The following IGSF3 variants were observed in gnomAD, a reference collection of about 807,000 sequenced individuals.
IGSF3 encodes immunoglobulin superfamily member 3.
IGSF3 carries 23 observed loss-of-function variants against 114.4 expected under a neutral mutation model. The observed-to-expected ratio is 0.20, with a 90% CI of 0.14 to 0.28. The LOEUF is 0.28. IGSF3 is among the 10% of genes least tolerant of loss of function. IGSF3 has a pLI of 1.00. For synonymous variants in IGSF3, 571 were observed against 645.2 expected, an observed-to-expected ratio of 0.88 and a Z score of 1.74; for missense variants, 1,172 against 1,591.5, an observed-to-expected ratio of 0.74 and a Z score of 4.48.
At chr1:116,640,111 A>G (rs182857690) in intron 2 of IGSF3, among the ~76,000 whole-genome samples, 94 of 152,246 alleles carry the variant, frequency 6.2e-4, no homozygotes, top group African/African-American at 2.2e-3. Flanking sequence ...TCAGGATTAA[A>G]TAACAAAAAA....
chr1:116,636,348 C>T lies in IGSF3; in HGVS notation c.44-19891G>A, dbSNP rs1647828437. Among the ~76,000 whole-genome samples, 1 of 152,190 alleles carries T rather than the reference C, an allele frequency of 6.6e-6. No individual in the cohort carries two copies. The highest frequency in any genetic ancestry group is 1.5e-5 in the Non-Finnish European group (1 of 68,034). On this transcript the variant is annotated intron_variant, in intron 2 of 10. Coordinates refer to ENST00000369486, the MANE Select transcript of IGSF3 (RefSeq NM_001007237.3). This position sits in a 1 kb window ranked among gnomAD's most constrained non-coding sequence, Gnocchi z 4.5. ...AGCACATCACGAGGAAGGCTGGTGA[C>T]AACCTTTCCTGAGCTTAGGACAGTT...
At position 116,666,830 on chromosome 1, in the gene IGSF3, C is replaced by T. The variant is rs922050076; in HGVS notation, c.-504G>A. The T allele has an allele frequency of 8.1e-5, 33 of 408,480 alleles. No individual in the cohort carries two copies. Among genetic ancestry groups the T allele is most frequent in the Non-Finnish European group, 4.3e-6 (1 of 231,826 alleles). 25.3% of individuals were successfully genotyped at this position (408,480 alleles called of 1,614,324 possible). A position where few individuals can be genotyped will look rare whatever the true frequency, so the allele number is the denominator to read the frequency against. ...GGCATCAACCGTTTGGGTTTCTTCA[C>T]CAAAAAGTCCGTTTCCATCCATGGT... On this transcript the variant is annotated 5_prime_UTR_variant, in exon 2 of 11. In the 5' UTR this introduces an upstream ATG that the reference lacks. Coordinates refer to ENST00000369486, the MANE Select transcript of IGSF3 (RefSeq NM_001007237.3).
chr1:116,637,828 T>G lies in IGSF3; in HGVS notation c.44-21371A>C, dbSNP rs535573240. On this transcript the variant is annotated intron_variant, in intron 2 of 10. Transcript: ENST00000369486. ...TGCCTTAAAGTCATACAGATGACTT[T>G]CGATGATTCAGATGAGTGTGACCTC... Among the ~76,000 whole-genome samples, 3 of 152,350 alleles carry G rather than the reference T, an allele frequency of 2.0e-5. No homozygotes were observed. The South Asian group carries it at 6.2e-4, about 32-fold the overall frequency.
rs1647375799 is a variant in IGSF3, at chr1:116,627,976, C to T, written c.44-11519G>A. Among the ~76,000 whole-genome samples, 1 of 152,232 alleles carries T rather than the reference C, an allele frequency of 6.6e-6. No homozygotes were observed. The highest frequency in any genetic ancestry group is 1.5e-5 in the Non-Finnish European group (1 of 68,044). On this transcript the variant is annotated intron_variant, in intron 2 of 10. Coordinates refer to ENST00000369486, the MANE Select transcript of IGSF3 (RefSeq NM_001007237.3). This position sits in a 1 kb window ranked among gnomAD's most constrained non-coding sequence, Gnocchi z 4.7. ...TACAAAACAGGAATATTCCTCTTCT[C>T]CTGACTCTGCCCAAGGCACTGCTGT...
chr1:116,611,580 A>C (rs932963446), intron 4 of IGSF3, among the ~76,000 whole-genome samples: 2 of 151,910 alleles, frequency 1.3e-5, no homozygotes, highest in African/African-American at 4.8e-5. Flanking sequence ...CAACATCCGG[A>C]ACTAGTCATA....
At position 116,665,169 on chromosome 1, in the gene IGSF3, G is replaced by T. The variant is rs1466785583; in HGVS notation, c.43+1115C>A. On this transcript the variant is annotated intron_variant, in intron 2 of 10. Coordinates refer to ENST00000369486, the MANE Select transcript of IGSF3 (RefSeq NM_001007237.3). This position sits in a 1 kb window ranked among gnomAD's most constrained non-coding sequence, Gnocchi z 4.0. Reference sequence around the variant, plus strand: ...TGGTGAAGCTGGGATAGGAACTCAGGTCCTCTAATTCTAAAGTCCATTCTC... The same window carrying T: ...TGGTGAAGCTGGGATAGGAACTCAGTTCCTCTAATTCTAAAGTCCATTCTC... Among the ~76,000 whole-genome samples the T allele has an allele frequency of 2.6e-5, 4 of 152,118 alleles. No individual in the cohort carries two copies. The highest frequency in any genetic ancestry group is 2.6e-4 in the Admixed American group (4 of 15,274).
intron 2 of IGSF3, among the ~76,000 whole-genome samples, chr1:116,626,941 G>A (rs542810272): frequency 6.6e-6 from 1 of 152,274 alleles, no homozygotes; most frequent in East Asian, 1.9e-4. Flanking sequence ...GCCCAACCTA[G>A]AATCAAGGCA....
Position 116,613,800 on chromosome 1 carries a change from C to T in IGSF3, c.797G>A (p.Arg266His), listed in dbSNP as rs376055846. The T allele has an allele frequency of 8.7e-6, 14 of 1,613,830 alleles. No individual in the cohort carries two copies. The African/African-American group carries it at 9.3e-5, about 11-fold the overall frequency. Reference sequence around the variant, plus strand: ...GACGTTGACCACGGCTCCCTCGGAACGCTTTCGGGTCATAGCATACCACGA... The same window carrying T: ...GACGTTGACCACGGCTCCCTCGGAATGCTTTCGGGTCATAGCATACCACGA... ...DGSWYAMTRKRSEGAVVNVQP... is the reference protein window; with the variant it reads ...DGSWYAMTRKHSEGAVVNVQP... Residue 266 changes from arginine to histidine, a missense_variant, in exon 4 of 11, where the codon CGT (arginine) becomes CAT (histidine). Physicochemically the swap from Arg to His is conservative, Grantham distance 29. This residue lies in a region of IGSF3 where 736 missense variants were observed against 1,042.0 expected (regional missense o/e 0.71). Coordinates refer to ENST00000369486, the MANE Select transcript of IGSF3 (RefSeq NM_001007237.3).
chr1:116,587,562 T>G (rs1659907071), intron 8 of IGSF3, among the ~76,000 whole-genome samples: 1 of 152,206 alleles, frequency 6.6e-6, no homozygotes, highest in Non-Finnish European at 1.5e-5. Context: ...AAAAGTACCA[T>G]GCCAGTGGCT....
chr1:116,658,730 C>T (rs1283696095), intron 2 of IGSF3, among the ~76,000 whole-genome samples: 1 of 152,176 alleles, frequency 6.6e-6, no homozygotes, highest in Non-Finnish European at 1.5e-5. Context: ...TCCAGATTGA[C>T]CACTCAGGAG....
Position 116,634,496 on chromosome 1 carries a change from C to T in IGSF3, c.44-18039G>A, listed in dbSNP as rs1323962245. Among the ~76,000 whole-genome samples, 1 of 152,140 alleles carries T rather than the reference C, an allele frequency of 6.6e-6. No homozygotes were observed. The highest frequency in any genetic ancestry group is 1.5e-5 in the Non-Finnish European group (1 of 68,030). On this transcript the variant is annotated intron_variant, in intron 2 of 10. Coordinates refer to ENST00000369486, the MANE Select transcript of IGSF3 (RefSeq NM_001007237.3). The surrounding 1 kb of genome is among the most constrained non-coding windows in gnomAD (Gnocchi z 4.2). ...TCCTCCTCTCTCCCTGCCCACATCT[C>T]CTCAGTCACTCGCTGCCTCCTCTCT...
rs1299500515 is a variant in IGSF3, at chr1:116,612,886, G to C, written c.832+879C>G. Among the ~76,000 whole-genome samples, 1 of 152,256 alleles carries C rather than the reference G, an allele frequency of 6.6e-6. No homozygotes were observed. Among genetic ancestry groups the C allele is most frequent in the East Asian group, 1.9e-4 (1 of 5,206 alleles). On this transcript the variant is annotated intron_variant, in intron 4 of 10. Transcript: ENST00000369486. This position sits in a 1 kb window ranked among gnomAD's most constrained non-coding sequence, Gnocchi z 4.1. ...CAACAGCTGTCAGCTCTGGCCTGGA[G>C]CCTGGTGGGCTCAGGAGACTGGGGA...
intron 2 of IGSF3, among the ~76,000 whole-genome samples, chr1:116,631,104 G>C (rs1410429205): frequency 1.3e-5 from 2 of 151,944 alleles, no homozygotes; most frequent in African/African-American, 2.4e-5. Context: ...GGATCATGAG[G>C]TCAGGAGATC....
At chr1:116,601,688 T>G (rs1049798256) in intron 6 of IGSF3, among the ~76,000 whole-genome samples, 4 of 152,214 alleles carry the variant, frequency 2.6e-5, no homozygotes, top group Admixed American at 6.5e-5. Flanking sequence ...TGCTGAAAAC[T>G]CTGGACCTTT....
intron 2 of IGSF3, among the ~76,000 whole-genome samples, chr1:116,658,725 A>G (rs1648983906): frequency 6.6e-6 from 1 of 152,096 alleles, no homozygotes; most frequent in Non-Finnish European, 1.5e-5. Context: ...GCCTTTCCAG[A>G]TTGACCACTC....
chr1:116,591,519 T>C (rs929252741), intron 7 of IGSF3, among the ~76,000 whole-genome samples: 4 of 152,238 alleles, frequency 2.6e-5, no homozygotes, highest in African/African-American at 9.6e-5. Flanking sequence ...AGAACATGAA[T>C]TCAAGGAAGA....
rs771961612 is a variant in IGSF3, at chr1:116,655,165, T to C, written c.43+11119A>G. Among the ~76,000 whole-genome samples the C allele has an allele frequency of 2.0e-5, 3 of 152,244 alleles. No individual in the cohort carries two copies. The highest frequency in any genetic ancestry group is 4.4e-5 in the Non-Finnish European group (3 of 68,040). ...TAGTCATGATTTTAACTGTGAATTCTGTGGCACCGGAGATAACAGAACAAT... is the reference window on the plus strand; with the variant it reads ...TAGTCATGATTTTAACTGTGAATTCCGTGGCACCGGAGATAACAGAACAAT... On this transcript the variant is annotated intron_variant, in intron 2 of 10. Coordinates refer to ENST00000369486, the MANE Select transcript of IGSF3 (RefSeq NM_001007237.3). The surrounding 1 kb of genome is among the most constrained non-coding windows in gnomAD (Gnocchi z 4.3).
In IGSF3 at chr1:116,610,658, C is replaced by G. The variant is rs975604187; in HGVS notation, c.833-2327G>C. On this transcript the variant is annotated intron_variant, in intron 4 of 10. Transcript: ENST00000369486. The surrounding 1 kb of genome is among the most constrained non-coding windows in gnomAD (Gnocchi z 4.3). ...CCATGATCCCTTCTCTCCTGCTCTT[C>G]TTCTTGCTGGCCTGCCCACTCTGTT... Among the ~76,000 whole-genome samples, 3 of 152,174 alleles carry G rather than the reference C, an allele frequency of 2.0e-5. No homozygotes were observed. The highest frequency in any genetic ancestry group is 2.9e-5 in the Non-Finnish European group (2 of 68,034).
At position 116,651,912 on chromosome 1, in the gene IGSF3, A is replaced by T. The variant is rs1388414433; in HGVS notation, c.43+14372T>A. 6.6e-6 allele frequency among the ~76,000 whole-genome samples: 1 copy of T among 152,212 alleles called. No homozygotes were observed. ...TTCTTTGCTAGCCTATAAACTACAC[A>T]AAGATGAGGATTATGTCTCCTCCAT... On this transcript the variant is annotated intron_variant, in intron 2 of 10. Transcript: ENST00000369486. The surrounding 1 kb of genome is among the most constrained non-coding windows in gnomAD (Gnocchi z 4.4).
Sources: gnomAD v4.1 joint callset for allele counts (sites outside exome capture counted in the v4.1 genomes callset) on GRCh38, gnomAD v4.1.1 for gene constraint, gnomAD v4.1.1 regional missense constraint, Gnocchi (gnomAD v3.1) non-coding constraint, MANE v1.5 for transcripts, NCBI Gene and HGNC (gene_info 2026-07-23, HGNC 2026-07-21) for gene names.